TTN: variants seen among roughly 807,000 people sequenced by gnomAD.
TTN encodes the protein titin, also known as connectin.
TTN carries 1,525 observed loss-of-function variants against 3,223.0 expected under a neutral mutation model. The ratio of observed to expected loss-of-function variants is 0.47; its 90% CI spans 0.45 to 0.49. The LOEUF (loss-of-function observed/expected upper bound fraction) is 0.49. Among genes scored for constraint, TTN ranks in the 20% least tolerant of loss-of-function variants. The probability of loss-of-function intolerance (pLI) is 0.00; values close to 1 mark genes in which losing one functional copy is unlikely to be tolerated. For synonymous variants in TTN, 14,094 were observed against 15,161.0 expected, an observed-to-expected ratio of 0.93 and a Z score of 5.17; for missense variants, 40,786 against 43,424.0, an observed-to-expected ratio of 0.94 and a Z score of 5.40.
In TTN at chr2:178,784,271, C is replaced by G. The variant is rs1265382651; in HGVS notation, c.2574G>C (p.Ser858=). 2 of 1,613,954 alleles carry G rather than the reference C, an allele frequency of 1.2e-6. No individual in the cohort carries two copies. The highest frequency in any genetic ancestry group is 2.7e-5 in the African/African-American group (2 of 74,898). ...ATSSAQKITK[S]VKAPTVKPSE... Reference sequence around the variant, plus strand: ...TGGGCTTCACAGTAGGAGCCTTCACCGATTTGGTGATCTTCTGAGCAGAAG... The same window carrying G: ...TGGGCTTCACAGTAGGAGCCTTCACGGATTTGGTGATCTTCTGAGCAGAAG... The change falls in exon 16 of 363, where the codon TCG becomes TCC. Residue 858 remains serine, a synonymous_variant. Transcript: ENST00000589042.
At chr2:178,542,629 C>A (rs927318354) in intron 348 of TTN, 33 bp downstream of exon 348, 9 of 1,600,232 alleles carry the variant, frequency 5.6e-6, no homozygotes, top group Non-Finnish European at 7.7e-6. Flanking sequence ...GACTGAACAT[C>A]AACTTGCTTG....
At chr2:178,687,147 C>G (rs1475533792) in intron 127 of TTN, among the ~76,000 whole-genome samples, 2 of 152,206 alleles carry the variant, frequency 1.3e-5, no homozygotes, top group East Asian at 3.9e-4. Flanking sequence ...TTTTATTAGA[C>G]AGATAAAAAC....
Position 178,741,885 on chromosome 2 carries a change from C to T in TTN, c.11348G>A (p.Gly3783Glu). ...SSSFLSAEEEGLHSAELQLSK... is the reference protein window; with the variant it reads ...SSSFLSAEEEELHSAELQLSK... Reference sequence around the variant, plus strand: ...TAATTGAAGTTCGGCGCTATGAAGTCCTTCTTCCTCGGCAGACAGAAAAGA... The same window carrying T: ...TAATTGAAGTTCGGCGCTATGAAGTTCTTCTTCCTCGGCAGACAGAAAAGA... The change falls in exon 48 of 363, where the codon GGA becomes GAA. Residue 3783 changes from glycine to glutamate, a missense_variant. Gly to Glu is a moderately conservative substitution (Grantham distance 98). Transcript: ENST00000589042. 6.4e-7 allele frequency: 1 copy of T among 1,566,708 alleles called. No individual in the cohort carries two copies. The highest frequency in any genetic ancestry group is 1.9e-5 in the Admixed American group (1 of 52,192).
Position 178,689,130 on chromosome 2 carries a change from G to C in TTN, c.32018C>G (p.Ala10673Gly), listed in dbSNP as rs773935335. The change falls in exon 125 of 363, where the codon GCT becomes GGT. Residue 10673 changes from alanine to glycine, a missense_variant. Coordinates refer to ENST00000589042, the MANE Select transcript of TTN (RefSeq NM_001267550.2). ...EEVPPPPKVPALPKKPVPEEK... is the reference protein window; with the variant it reads ...EEVPPPPKVPGLPKKPVPEEK... ...CTCTGGGACGGGTTTCTTAGGCAGAGCTGGCACTTTAGAGACATTATGCAC... is the reference window on the plus strand; with the variant it reads ...CTCTGGGACGGGTTTCTTAGGCAGACCTGGCACTTTAGAGACATTATGCAC... 4 of 1,604,798 alleles carry C rather than the reference G, an allele frequency of 2.5e-6. No individual in the cohort carries two copies. Among genetic ancestry groups the C allele is most frequent in the Non-Finnish European group, 3.4e-6 (4 of 1,177,572 alleles).
At chr2:178,699,547 G>T (rs1361266341) in intron 111 of TTN, among the ~76,000 whole-genome samples, 2 of 145,088 alleles carry the variant, frequency 1.4e-5, no homozygotes, top group Non-Finnish European at 3.0e-5. Flanking sequence ...GAGTAGCTGG[G>T]ACTACAGGCG....
In TTN at chr2:178,733,832, G is replaced by C; in HGVS notation, c.15557C>G (p.Thr5186Ser). The C allele has an allele frequency of 6.2e-7, 1 of 1,613,564 alleles. No homozygotes were observed. The highest frequency in any genetic ancestry group is 1.3e-5 in the African/African-American group (1 of 75,028). The change falls in exon 53 of 363, where the codon ACC (threonine) becomes AGC (serine). Residue 5186 changes from threonine to serine, a missense_variant. Physicochemically the swap from Thr to Ser is moderately conservative, Grantham distance 58. Coordinates refer to ENST00000589042, the MANE Select transcript of TTN (RefSeq NM_001267550.2). ...TGACCCTCTCACAGCAGCTTGCAGG[G>C]TAACGGTTTGTCCTCCTAGTGCAAT... ...DLIALGGQTV[T>S]LQAAVRGSEP... is the part of the protein sequence containing the mutation.
Position 178,781,248 on chromosome 2 carries a change from G to A in TTN, c.3396C>T (p.Tyr1132=), listed in dbSNP as rs1343243319. Residue 1132 remains tyrosine (Y), a synonymous_variant, in exon 21 of 363, where the codon TAC becomes TAT. Transcript: ENST00000589042. ...LTTGYRYKVS[Y]NKQTGECKLV... The stretch of plus-strand genomic sequence containing the variant: ...GCTTGCATTCACCGGTTTGTTTGTT[G>A]TAACTCACTTTGTATCTTTATGTAA... 4 of 1,613,968 alleles carry A rather than the reference G, an allele frequency of 2.5e-6. No individual in the cohort carries two copies. The highest frequency in any genetic ancestry group is 3.4e-6 in the Non-Finnish European group (4 of 1,179,910).
chr2:178,630,485 T>TAAC, intron 238 of TTN, 118 bp from the exon 239 acceptor site: 1 of 1,292,708 alleles, frequency 7.7e-7, no homozygotes, highest in Non-Finnish European at 1.1e-6. Context: ...AAACTTTATA[T>TAAC]AACTTTGAGC....
chr2:178,617,737 G>T, intron 253 of TTN, 42 bp downstream of exon 253: 1 of 1,601,318 alleles, frequency 6.2e-7, no homozygotes, highest in South Asian at 1.1e-5. Context: ...CCTAATATCT[G>T]GATTTCATGC....
rs781605494 is a variant in TTN, at chr2:178,590,850, C to G, written c.60875G>C (p.Trp20292Ser). The G allele has an allele frequency of 1.2e-6, 2 of 1,609,926 alleles. No homozygotes were observed. The highest frequency in any genetic ancestry group is 8.5e-7 in the Non-Finnish European group (1 of 1,176,756). ...DITENAATVS[W>S]TLPKSDGGSP... ...GCCACCATCAGATTTTGGCAGGGTC[C>G]AAGACACTGTTGCTGCATTTTCAGT... Residue 20292 changes from tryptophan to serine, a missense_variant, in exon 304 of 363, where the codon TGG (tryptophan) becomes TCG (serine). By Grantham distance (177) the Trp-to-Ser change is radical. Coordinates refer to ENST00000589042, the MANE Select transcript of TTN (RefSeq NM_001267550.2).
chr2:178,604,094 A>G lies in TTN; in HGVS notation c.54593T>C (p.Ile18198Thr), dbSNP rs745885044. 1 of 1,612,746 alleles carries G rather than the reference A, an allele frequency of 6.2e-7. No individual in the cohort carries two copies. The highest frequency in any genetic ancestry group is 1.1e-5 in the South Asian group (1 of 90,998). ...TPPLDNGGSP[I>T]TGYWLEKREE... ...TCTTTTCTCCAGCCAGTAGCCAGTA[A>G]TTGGAGAGCCACCATTGTCCAAAGG... Residue 18198 changes from isoleucine to threonine, a missense_variant, in exon 282 of 363, where the codon ATT (isoleucine) becomes ACT (threonine). Transcript: ENST00000589042.
Position 178,579,228 on chromosome 2 carries a change from G to T in TTN, c.67802C>A (p.Ser22601Ter), listed in dbSNP as rs1223105615. 1 of 1,613,346 alleles carries T rather than the reference G, an allele frequency of 6.2e-7. No individual in the cohort carries two copies. Among genetic ancestry groups the T allele is most frequent in the Non-Finnish European group, 8.5e-7 (1 of 1,179,580 alleles). Residue 22601 changes from serine (S) to a stop codon, truncating the protein, a stop_gained, in exon 320 of 363, where the codon TCA (serine) becomes TAA (stop). Coordinates refer to ENST00000589042, the MANE Select transcript of TTN (RefSeq NM_001267550.2). LOFTEE classifies it high-confidence loss of function. Reference sequence around the variant, plus strand: ...TATAAGAGTTGTGTTAACCGCAGATGACTCAACACTGACTCTAGTGTCAGT... The same window carrying T: ...TATAAGAGTTGTGTTAACCGCAGATTACTCAACACTGACTCTAGTGTCAGT... ...LATDTRVSVE[S>*]SAVNTTLIVY...
intron 278 of TTN, among the ~76,000 whole-genome samples, chr2:178,606,761 T>G (rs868394899): frequency 2.0e-5 from 3 of 151,990 alleles, no homozygotes; most frequent in Non-Finnish European, 4.4e-5. Context: ...ACTTCTAGGT[T>G]ATTATTAAGC....
chr2:178,617,473 T>A lies in TTN; in HGVS notation c.47612A>T (p.Gln15871Leu). Residue 15871 changes from glutamine (Q) to leucine (L), a missense_variant, in exon 254 of 363, where the codon CAG (glutamine) becomes CTG (leucine). By Grantham distance (113) the Gln-to-Leu change is moderately radical. Transcript: ENST00000589042. ...TTTGAGCTGAACTGATGACTGAGTCTGATCTGAGGAAGTTAGGTTTACAGG... is the reference window on the plus strand; with the variant it reads ...TTTGAGCTGAACTGATGACTGAGTCAGATCTGAGGAAGTTAGGTTTACAGG... Reference protein sequence around the residue: ...SPPVNLTSSDQTQSSVQLKWE... With the variant: ...SPPVNLTSSDLTQSSVQLKWE... 1 of 1,595,472 alleles carries A rather than the reference T, an allele frequency of 6.3e-7. No individual in the cohort carries two copies. The highest frequency in any genetic ancestry group is 8.5e-7 in the Non-Finnish European group (1 of 1,174,620).
intron 278 of TTN, among the ~76,000 whole-genome samples, chr2:178,606,001 A>T (rs1352935021): frequency 2.0e-5 from 3 of 151,982 alleles, no homozygotes; most frequent in Non-Finnish European, 4.4e-5. Flanking sequence ...GTAACTGGGG[A>T]TGCTTCTAAT....
At chr2:178,782,732 A>G in intron 18 of TTN, 74 bp downstream of exon 18, 2 of 1,610,320 alleles carry the variant, frequency 1.2e-6, no homozygotes, top group Non-Finnish European at 1.7e-6. Flanking sequence ...GTGCACAGAA[A>G]CCATATTGTG....
Position 178,767,904 on chromosome 2 carries a change from T to C in TTN, c.9326A>G (p.Lys3109Arg), listed in dbSNP as rs753036867. 18 of 1,613,962 alleles carry C rather than the reference T, an allele frequency of 1.1e-5. No homozygotes were observed. The African/African-American group carries it at 2.4e-4, about 22-fold the overall frequency. Residue 3109 changes from lysine to arginine, a missense_variant, in exon 40 of 363, where the codon AAA becomes AGA. Transcript: ENST00000589042. Reference protein sequence around the residue: ...ITDRIKIQKEKYVHRLLIPST... With the variant: ...ITDRIKIQKERYVHRLLIPST... Reference sequence around the variant, plus strand: ...TGGGATCAGAAGGCGGTGGACATATTTCTCCTTCTGAATCTTTATTCTATG... The same window carrying C: ...TGGGATCAGAAGGCGGTGGACATATCTCTCCTTCTGAATCTTTATTCTATG...
In TTN at chr2:178,599,767, G is replaced by A. The variant is rs747472312; in HGVS notation, c.56134C>T (p.Pro18712Ser). The A allele has an allele frequency of 2.5e-6, 4 of 1,611,806 alleles. No homozygotes were observed. In the East Asian group the frequency reaches 6.7e-5, roughly 27 times the overall value. Reference sequence around the variant, plus strand: ...TTAAACCAGGTTAGTGTCGGGAATGGCACACCTTTAATTTTGGCCACAATG... The same window carrying A: ...TTAAACCAGGTTAGTGTCGGGAATGACACACCTTTAATTTTGGCCACAATG... ...VNIVAKIKGVPFPTLTWFKAP... is the reference protein window; with the variant it reads ...VNIVAKIKGVSFPTLTWFKAP... The change falls in exon 289 of 363, where the codon CCA becomes TCA. Residue 18712 changes from proline to serine, a missense_variant. Physicochemically the swap from Pro to Ser is moderately conservative, Grantham distance 74 (BLOSUM62 -1). Coordinates refer to ENST00000589042, the MANE Select transcript of TTN (RefSeq NM_001267550.2).
rs755262343 is a variant in TTN at position 178,759,159 on chromosome 2, C to T, written c.10128G>A (p.Ser3376=). 95 of 1,613,786 alleles carry T rather than the reference C, an allele frequency of 5.9e-5. No homozygotes were observed. In the Admixed American group the frequency reaches 8.8e-4, roughly 15 times the overall value. The stretch of plus-strand genomic sequence containing the variant: ...TGATTTTCTTGTCTTTGCTGTACCA[C>T]GACACTTTTAGATCTGCGACACAAA... ...CRVSGTDLKV[S]WYSKDKKIKP... The change falls in exon 44 of 363, where the codon TCG becomes TCA. Residue 3376 remains serine (S), a synonymous_variant. Transcript: ENST00000589042.
Sources: allele counts gnomAD v4.1 joint callset (sites outside exome capture counted in the v4.1 genomes callset), GRCh38; gene constraint gnomAD v4.1.1; transcripts MANE v1.5; gene names NCBI Gene and HGNC (gene_info 2026-07-23, HGNC 2026-07-21).